Variants in RPLP1 observed in about 807,000 individuals in gnomAD.
The protein encoded by RPLP1 is large ribosomal subunit protein P1.
In RPLP1, 4 loss-of-function variants were observed where a neutral mutation model predicts 11.6. The observed-to-expected ratio is 0.34, with a 90% CI of 0.17 to 0.79. The LOEUF is 0.79. Among genes scored for constraint, RPLP1 ranks in the 30% least tolerant of loss-of-function variants. The pLI is 0.55. For missense variants in RPLP1, 133 were observed against 142.8 expected (o/e 0.93, Z 0.35); for synonymous variants, 54 against 52.2 (o/e 1.03, Z -0.15).
intron 2 of RPLP1, 179 bp from the exon 3 acceptor site, chr15:69,454,991 A>G: frequency 1.3e-6 from 1 of 787,762 alleles, no homozygotes; most frequent in Non-Finnish European, 1.9e-6. Context: ...AGAAGTCTAC[A>G]TGTTTGGTAC....
rs1892383557 is a variant in RPLP1, at chr15:69,453,428, T to C, written c.73-219T>C. 3 of 609,884 alleles carry C rather than the reference T, an allele frequency of 4.9e-6. No homozygotes were observed. In the Admixed American group the frequency reaches 9.1e-5, roughly 18 times the overall value. 37.8% of individuals were successfully genotyped at this position (609,884 alleles called of 1,614,324 possible). On this transcript the variant is annotated intron_variant, in intron 1 of 3. Coordinates refer to ENST00000260379, the MANE Select transcript of RPLP1 (RefSeq NM_001003.3). Reference sequence around the variant, plus strand: ...GCTCGGCTCCACCTCCCAGGTCTTGTAACTTAAAAATAGCCGCGTGACTCA... The same window carrying C: ...GCTCGGCTCCACCTCCCAGGTCTTGCAACTTAAAAATAGCCGCGTGACTCA...
chr15:69,453,106 G>C, intron 1 of RPLP1, 86 bp downstream of exon 1: 1 of 1,258,246 alleles, frequency 7.9e-7, no homozygotes, highest in Non-Finnish European at 1.1e-6. Context: ...CAGGCCGTTC[G>C]ACTGAGCACT....
intron 1 of RPLP1, chr15:69,453,281 A>G: frequency 3.4e-6 from 2 of 580,832 alleles, no homozygotes; most frequent in East Asian, 5.9e-5. Flanking sequence ...CTTCGTGTAG[A>G]AAAGCTCTTC....
chr15:69,454,940 T>G, intron 2 of RPLP1: 1 of 395,006 alleles, frequency 2.5e-6, no homozygotes, highest in Non-Finnish European at 4.3e-6. Flanking sequence ...CTTATATAAA[T>G]GTATTTGCAT....
Position 69,455,282 on chromosome 15 carries a change from C to A in RPLP1, c.260C>A (p.Ala87Asp). ...AGGPAPSTAA[A>D]PAEEKKVEAK... ...GGTCCTGCCCCCTCCACTGCTGCTG[C>A]TCCAGGTAGGAAACATGGAGTTTTT... The change falls in exon 3 of 4, where the codon GCT (alanine) becomes GAT (aspartate). Residue 87 changes from alanine (A) to aspartate (D), a missense_variant. Coordinates refer to ENST00000260379, the MANE Select transcript of RPLP1 (RefSeq NM_001003.3). The A allele has an allele frequency of 6.4e-7, 1 of 1,553,678 alleles. No homozygotes were observed. Among genetic ancestry groups the A allele is most frequent in the South Asian group, 1.2e-5 (1 of 81,300 alleles).
chr15:69,453,570 T>C, intron 1 of RPLP1, 77 bp from the exon 2 acceptor site: 3 of 1,453,436 alleles, frequency 2.1e-6, no homozygotes, highest in African/African-American at 1.4e-5. Context: ...TTATGTACAC[T>C]TATTGAGTGA....
chr15:69,455,159 A>G lies in RPLP1; in HGVS notation c.148-11A>G, dbSNP rs369444301. The G allele has an allele frequency of 4.5e-6, 7 of 1,561,582 alleles. No homozygotes were observed. The Admixed American group carries it at 8.2e-5, about 18-fold the overall frequency. On this transcript the variant is annotated splice_polypyrimidine_tract_variant and intron_variant, in intron 2 of 3. Coordinates refer to ENST00000260379, the MANE Select transcript of RPLP1 (RefSeq NM_001003.3). The stretch of plus-strand genomic sequence containing the variant: ...ACTGGGCGTTTACCTATGCATGCAC[A>G]TGTATTGCAGGCCCTGGCCAACGTC...
At chr15:69,453,895 C>T in intron 2 of RPLP1, 174 bp downstream of exon 2, 2 of 615,290 alleles carry the variant, frequency 3.3e-6, no homozygotes. Flanking sequence ...CTTGTCAAGT[C>T]TTACGTTTCC....
At chr15:69,455,124 C>G in intron 2 of RPLP1, 46 bp from the exon 3 acceptor site, 1 of 1,514,238 alleles carries the variant, frequency 6.6e-7, no homozygotes, top group South Asian at 1.3e-5. Flanking sequence ...GAGTGCTTAA[C>G]AAGGACAGAA....
At chr15:69,453,625 T>C (rs774774593) in intron 1 of RPLP1, 22 bp from the exon 2 acceptor site, 82 of 1,613,066 alleles carry the variant, frequency 5.1e-5, no homozygotes, top group Non-Finnish European at 4.7e-5. Flanking sequence ...TTTTGATGGA[T>C]TGACGTTTTT....
intron 1 of RPLP1, 68 bp from the exon 2 acceptor site, chr15:69,453,579 G>A: frequency 1.3e-6 from 2 of 1,494,922 alleles, no homozygotes; most frequent in African/African-American, 1.4e-5. Flanking sequence ...CTTATTGAGT[G>A]ACGTGCAGCA....
At chr15:69,453,098 G>C (rs897602072) in intron 1 of RPLP1, 78 bp downstream of exon 1, 18 of 1,357,132 alleles carry the variant, frequency 1.3e-5, no homozygotes, top group Non-Finnish European at 1.8e-5. Context: ...CCCGGCTCCA[G>C]GCCGTTCGAC....
At chr15:69,453,563 T>C (rs1359099987) in intron 1 of RPLP1, 84 bp from the exon 2 acceptor site, 7 of 1,401,874 alleles carry the variant, frequency 5.0e-6, no homozygotes, top group Non-Finnish European at 6.1e-6. Flanking sequence ...AAACATGTTA[T>C]GTACACTTAT....
chr15:69,452,972 C>A lies in RPLP1; in HGVS notation c.24C>A (p.Ala8=). 6.3e-7 allele frequency: 1 copy of A among 1,580,590 alleles called. No individual in the cohort carries two copies. The highest frequency in any genetic ancestry group is 8.6e-7 in the Non-Finnish European group (1 of 1,165,350). The change falls in exon 1 of 4, where the codon GCC becomes GCA. Residue 8 remains alanine (A), a synonymous_variant. Transcript: ENST00000260379. MASVSEL[A]CIYSALILHD... ...CCATGGCCTCTGTCTCCGAGCTCGC[C>A]TGCATCTACTCGGCCCTCATTCTGC...
intron 1 of RPLP1, chr15:69,453,248 C>T (rs759316489): frequency 1.7e-5 from 10 of 587,738 alleles, no homozygotes; most frequent in Non-Finnish European, 2.7e-5. Context: ...GCGCTTGAGG[C>T]TGGGCGCTCC....
Position 69,455,278 on chromosome 15 carries a change from G to T in RPLP1, c.256G>T (p.Ala86Ser). 6.4e-7 allele frequency: 1 copy of T among 1,556,822 alleles called. No individual in the cohort carries two copies. The highest frequency in any genetic ancestry group is 8.7e-7 in the Non-Finnish European group (1 of 1,155,656). The change falls in exon 3 of 4, where the codon GCT (alanine) becomes TCT (serine). Residue 86 changes from alanine (A) to serine (S), a missense_variant. Ala to Ser is a moderately conservative substitution (Grantham distance 99). Transcript: ENST00000260379. ...AGGAGGTCCTGCCCCCTCCACTGCT[G>T]CTGCTCCAGGTAGGAAACATGGAGT... ...PAGGPAPSTA[A>S]APAEEKKVEA...
At chr15:69,453,105 C>A in intron 1 of RPLP1, 85 bp downstream of exon 1, 2 of 1,255,456 alleles carry the variant, frequency 1.6e-6, no homozygotes, top group South Asian at 2.6e-5. Context: ...CCAGGCCGTT[C>A]GACTGAGCAC....
At chr15:69,453,794 C>T in intron 2 of RPLP1, 73 bp downstream of exon 2, 3 of 1,514,716 alleles carry the variant, frequency 2.0e-6, no homozygotes, top group East Asian at 2.3e-5. Flanking sequence ...TGCTAAAGTA[C>T]CCCCAGCGGT....
At chr15:69,453,330 TCAGGGACA>T in intron 1 of RPLP1, 1 of 577,866 alleles carries the variant, frequency 1.7e-6, no homozygotes, top group South Asian at 2.1e-5. Context: ...CTCGTCTCTC[TCAGGGACA>T]CTTACTCGGA....
Sources: gnomAD v4.1 joint callset for allele counts on GRCh38, gnomAD v4.1.1 for gene constraint, MANE v1.5 for transcripts, NCBI Gene and HGNC (gene_info 2026-07-23, HGNC 2026-07-21) for gene names.